Variants in LRMDA observed in about 807,000 individuals in gnomAD.
The protein encoded by LRMDA is leucine rich melanocyte differentiation associated.
LRMDA carries 18 observed loss-of-function variants against 29.8 expected under a neutral mutation model. The observed-to-expected ratio is 0.60, with a 90% CI of 0.42 to 0.90. The LOEUF (loss-of-function observed/expected upper bound fraction) is 0.90, where lower values mean the gene tolerates loss of function less well. Among genes scored for constraint, LRMDA ranks in the 40% least tolerant of loss-of-function variants. LRMDA has a pLI of 0.00. For synonymous variants in LRMDA, 125 were observed against 109.4 expected (o/e 1.14, Z -0.89); for missense variants, 273 against 273.9 (o/e 1.00, Z 0.02).
chr10:76,363,176 A>AAG (rs1841339187), intron 6 of LRMDA, among the ~76,000 whole-genome samples: 1 of 21,750 alleles, frequency 4.6e-5, no homozygotes, highest in African/African-American at 1.5e-4. Flanking sequence ...AAAGAAAGAA[A>AAG]GGAGGGAGGG....
intron 2 of LRMDA, among the ~76,000 whole-genome samples, chr10:75,446,156 A>G (rs1175450671): frequency 6.6e-6 from 1 of 152,222 alleles, no homozygotes; most frequent in Non-Finnish European, 1.5e-5. Context: ...TGGGCTGTTA[A>G]CTTGCTGCTC....
chr10:75,790,193 T>C (rs554360143), intron 2 of LRMDA, among the ~76,000 whole-genome samples: 28 of 152,272 alleles, frequency 1.8e-4, no homozygotes, highest in Admixed American at 4.6e-4. Context: ...TTGTAGGGTA[T>C]TGAGCCACAT....
At chr10:75,635,008 C>G (rs1281531455) in intron 2 of LRMDA, among the ~76,000 whole-genome samples, 3 of 152,170 alleles carry the variant, frequency 2.0e-5, no homozygotes, top group Non-Finnish European at 4.4e-5. Flanking sequence ...AAAAGGTAGT[C>G]TTCCCATCTC....
At chr10:75,835,215 TGA>T (rs1844412894) in intron 2 of LRMDA, among the ~76,000 whole-genome samples, 1 of 152,200 alleles carries the variant, frequency 6.6e-6, no homozygotes, top group African/African-American at 2.4e-5. Context: ...TGGGAGCCTC[TGA>T]GAGAAAAATC....
intron 6 of LRMDA, among the ~76,000 whole-genome samples, chr10:76,507,715 G>T (rs989728572): frequency 2.0e-5 from 3 of 152,092 alleles, no homozygotes; most frequent in Admixed American, 2.0e-4. Context: ...CTGCATATGG[G>T]TGTCCAGTTT....
chr10:75,804,439 C>T (rs750523758), intron 2 of LRMDA, among the ~76,000 whole-genome samples: 2 of 152,154 alleles, frequency 1.3e-5, no homozygotes, highest in African/African-American at 2.4e-5. Flanking sequence ...TTAAAGCAAG[C>T]GCAGAGTGAC....
chr10:75,643,508 A>T (rs1476839566), intron 2 of LRMDA, among the ~76,000 whole-genome samples: 1 of 152,160 alleles, frequency 6.6e-6, no homozygotes, highest in African/African-American at 2.4e-5. Context: ...TGGTGACAGT[A>T]ATGCCAGCCT....
intron 5 of LRMDA, among the ~76,000 whole-genome samples, chr10:76,108,069 A>G (rs565516287): frequency 3.5e-4 from 53 of 152,304 alleles, no homozygotes; most frequent in African/African-American, 1.1e-3. Context: ...GAAATTAGGG[A>G]AGTAAGAAAT....
intron 2 of LRMDA, among the ~76,000 whole-genome samples, chr10:75,917,647 G>A (rs992680369): frequency 1.6e-4 from 24 of 152,192 alleles, no homozygotes; most frequent in South Asian, 1.0e-3. Flanking sequence ...ATAAGAAAGA[G>A]CAAGGGGCTT....
intron 2 of LRMDA, among the ~76,000 whole-genome samples, chr10:75,875,791 T>G (rs933877906): frequency 6.6e-6 from 1 of 152,158 alleles, no homozygotes; most frequent in African/African-American, 2.4e-5. Context: ...TGGACCATGG[T>G]GGTAAGATAT....
At chr10:75,612,624 CTTATT>C (rs1280546668) in intron 2 of LRMDA, among the ~76,000 whole-genome samples, 4 of 148,182 alleles carry the variant, frequency 2.7e-5, no homozygotes, top group Admixed American at 6.8e-5. Context: ...TATTTATTTA[CTTATT>C]TTATTTATAT....
At chr10:75,615,658 A>T (rs1841089560) in intron 2 of LRMDA, among the ~76,000 whole-genome samples, 1 of 152,242 alleles carries the variant, frequency 6.6e-6, no homozygotes, top group African/African-American at 2.4e-5. Flanking sequence ...TGGCTGTGAT[A>T]TGCTATTAAT....
chr10:75,885,378 G>T (rs1270655382), intron 2 of LRMDA, among the ~76,000 whole-genome samples: 1 of 152,180 alleles, frequency 6.6e-6, no homozygotes, highest in African/African-American at 2.4e-5. Context: ...CCTACTAGTT[G>T]TGTGACTTTG....
intron 2 of LRMDA, chr10:75,883,164 G>A (rs1222644348): frequency 6.6e-6 from 1 of 152,160 alleles, no homozygotes; most frequent in Non-Finnish European, 1.5e-5. Context: ...TGACATCAAA[G>A]CTACCCATTC....
At chr10:76,058,817 T>C in intron 5 of LRMDA, 34 bp downstream of exon 5, 1 of 1,512,988 alleles carries the variant, frequency 6.6e-7, no homozygotes, top group Non-Finnish European at 9.2e-7. Flanking sequence ...TCACAAGGGA[T>C]TTACATCTCA....
intron 2 of LRMDA, among the ~76,000 whole-genome samples, chr10:75,737,109 G>A (rs962837998): frequency 4.6e-5 from 7 of 151,722 alleles, no homozygotes; most frequent in Middle Eastern, 3.4e-3. Flanking sequence ...ACATGCACAC[G>A]CACGCACACA....
intron 6 of LRMDA, among the ~76,000 whole-genome samples, chr10:76,399,235 T>G (rs1841822030): frequency 6.6e-6 from 1 of 152,340 alleles, no homozygotes; most frequent in African/African-American, 2.4e-5. Context: ...GTGTATGTGC[T>G]TGTGTTTTTG....
At chr10:75,834,699 A>AT (rs1844404052) in intron 2 of LRMDA, among the ~76,000 whole-genome samples, 1 of 152,204 alleles carries the variant, frequency 6.6e-6, no homozygotes, top group Non-Finnish European at 1.5e-5. Context: ...TAATGCTGCC[A>AT]TTAAAAACTA....
At chr10:76,411,883 G>A (rs1291514330) in intron 6 of LRMDA, among the ~76,000 whole-genome samples, 5 of 152,318 alleles carry the variant, frequency 3.3e-5, no homozygotes, top group South Asian at 4.1e-4. Context: ...AAGCAACAGC[G>A]GGGACAGTGA....
Sources: gnomAD v4.1 joint callset for allele counts (sites outside exome capture counted in the v4.1 genomes callset) on GRCh38, gnomAD v4.1.1 for gene constraint, MANE v1.5 for transcripts, NCBI Gene and HGNC (gene_info 2026-07-23, HGNC 2026-07-21) for gene names.